The following CEP170 variants were observed in gnomAD, a reference collection of about 807,000 sequenced individuals.
The protein encoded by CEP170 is centrosomal protein 170.
A neutral mutation model predicts 151.9 loss-of-function variants in CEP170; 21 were observed. The ratio of observed to expected loss-of-function variants is 0.14; its 90% CI spans 0.10 to 0.20. The LOEUF (loss-of-function observed/expected upper bound fraction) is 0.20. Ranked by LOEUF, CEP170 falls within the 10% of genes least tolerant of loss-of-function variation. The pLI, the probability that CEP170 is intolerant of heterozygous loss-of-function variation, is 1.00. For missense variants in CEP170, 964 were observed against 1,892.9 expected, an observed-to-expected ratio of 0.51 and a Z score of 9.11; for synonymous variants, 356 against 648.8, an observed-to-expected ratio of 0.55 and a Z score of 6.86.
intron 16 of CEP170, among the ~76,000 whole-genome samples, chr1:243,136,579 A>G (rs2055108144): frequency 6.6e-6 from 1 of 152,278 alleles, no homozygotes; most frequent in Admixed American, 6.5e-5. Flanking sequence ...GATACAAATA[A>G]CTTAGAGTAC....
In CEP170 at chr1:243,164,522, C is replaced by T. The variant is rs1451317068; in HGVS notation, c.3438G>A (p.Arg1146=). 13 of 1,612,564 alleles carry T rather than the reference C, an allele frequency of 8.1e-6. No homozygotes were observed. The highest frequency in any genetic ancestry group is 1.1e-5 in the South Asian group (1 of 90,900). The change falls in exon 13 of 20, where the codon CGG becomes CGA. Residue 1146 remains arginine, a synonymous_variant. Coordinates refer to ENST00000366542, the MANE Select transcript of CEP170 (RefSeq NM_014812.3). ...KPPTGRRNIS[R]IDLLAQPRRT... ...TACGAGGCTGAGCCAATAAATCAAT[C>T]CGAGAGATGTTACGCCTTCCTGTGG...
chr1:243,224,277 G>C (rs1278353112), intron 2 of CEP170, among the ~76,000 whole-genome samples: 1 of 152,090 alleles, frequency 6.6e-6, no homozygotes, highest in African/African-American at 2.4e-5. Flanking sequence ...GCAAAGATAG[G>C]CAATTTTGAC....
intron 7 of CEP170, among the ~76,000 whole-genome samples, chr1:243,196,180 C>T (rs945348572): frequency 6.6e-5 from 10 of 151,898 alleles, no homozygotes; most frequent in African/African-American, 1.9e-4. Flanking sequence ...TCTTTGTACC[C>T]TATGAAGTAT....
chr1:243,221,934 T>A, intron 2 of CEP170, 121 bp from the exon 3 acceptor site: 1 of 803,346 alleles, frequency 1.2e-6, no homozygotes, highest in Non-Finnish European at 1.9e-6. Flanking sequence ...AAAGTAAGTG[T>A]GGATTAAATG....
At position 243,165,588 on chromosome 1, in the gene CEP170, T is replaced by G; in HGVS notation, c.2372A>C (p.Asn791Thr). 6.2e-7 allele frequency: 1 copy of G among 1,613,886 alleles called. No homozygotes were observed. ...TCCTTTGCTTGTAGAATGTCCTGAATTTTTTTCTGGAGGTTGTGATTCTTG... is the reference window on the plus strand; with the variant it reads ...TCCTTTGCTTGTAGAATGTCCTGAAGTTTTTTCTGGAGGTTGTGATTCTTG... The part of the protein sequence containing the change: ...FKQESQPPEK[N>T]SGHSTSKGDR... The change falls in exon 13 of 20, where the codon AAT becomes ACT. Residue 791 changes from asparagine to threonine, a missense_variant. Transcript: ENST00000366542.
chr1:243,157,766 T>C (rs948882557), intron 13 of CEP170, among the ~76,000 whole-genome samples: 3 of 152,172 alleles, frequency 2.0e-5, no homozygotes, highest in African/African-American at 7.2e-5. Flanking sequence ...AACTGGCATA[T>C]ATTGCCACCA....
At chr1:243,167,532 G>T (rs1450491377) in intron 12 of CEP170, among the ~76,000 whole-genome samples, 5 of 151,144 alleles carry the variant, frequency 3.3e-5, no homozygotes, top group Non-Finnish European at 7.4e-5. Context: ...AAAATGGAAT[G>T]TATTTCTGAG....
At chr1:243,186,839 CT>C (rs927681488) in intron 8 of CEP170, among the ~76,000 whole-genome samples, 2 of 152,132 alleles carry the variant, frequency 1.3e-5, no homozygotes, top group Non-Finnish European at 2.9e-5. Flanking sequence ...GGTAATGTCA[CT>C]GAAATGCTTA....
intron 14 of CEP170, among the ~76,000 whole-genome samples, chr1:243,150,182 G>A (rs1427869420): frequency 1.3e-5 from 2 of 152,108 alleles, no homozygotes; most frequent in African/African-American, 2.4e-5. Context: ...ACAGAATCTC[G>A]CTCTGTCACC....
intron 8 of CEP170, among the ~76,000 whole-genome samples, chr1:243,190,234 G>A (rs1175261286): frequency 6.6e-6 from 1 of 152,008 alleles, no homozygotes; most frequent in East Asian, 1.9e-4. Flanking sequence ...GTTCAAAATC[G>A]TTTTCCTTAT....
At chr1:243,187,219 G>T (rs567197945) in intron 8 of CEP170, among the ~76,000 whole-genome samples, 1 of 151,984 alleles carries the variant, frequency 6.6e-6, no homozygotes, top group Admixed American at 6.6e-5. Flanking sequence ...AGAATATATC[G>T]GAATTTTGAA....
chr1:243,139,122 GAC>G (rs1394990385), intron 16 of CEP170, among the ~76,000 whole-genome samples: 1 of 147,398 alleles, frequency 6.8e-6, no homozygotes, highest in East Asian at 2.0e-4. Flanking sequence ...TTTTTTTGGA[GAC>G]AGAGTCTCAC....
chr1:243,215,416 G>A (rs569458402), intron 3 of CEP170, among the ~76,000 whole-genome samples: 73 of 152,250 alleles, frequency 4.8e-4, no homozygotes, highest in South Asian at 1.5e-3. Flanking sequence ...CCTTTTCTCA[G>A]CAAGGAACAG....
chr1:243,218,188 T>C (rs1336137498), intron 3 of CEP170, among the ~76,000 whole-genome samples: 2 of 152,242 alleles, frequency 1.3e-5, no homozygotes, highest in Non-Finnish European at 2.9e-5. Flanking sequence ...CAACCTTTAG[T>C]GAAGACCATT....
At chr1:243,129,912 A>G (rs1298148820) in intron 17 of CEP170, among the ~76,000 whole-genome samples, 2 of 152,028 alleles carry the variant, frequency 1.3e-5, no homozygotes, top group Non-Finnish European at 2.9e-5. Context: ...TTTTTACAGT[A>G]TATTGTTACA....
At chr1:243,225,618 A>G (rs2063161601) in intron 1 of CEP170, among the ~76,000 whole-genome samples, 1 of 152,204 alleles carries the variant, frequency 6.6e-6, no homozygotes, top group Non-Finnish European at 1.5e-5. Flanking sequence ...CACAGTTTAT[A>G]AAGGTCTATA....
intron 17 of CEP170, among the ~76,000 whole-genome samples, chr1:243,132,658 CT>C (rs1400038511): frequency 6.6e-6 from 1 of 152,138 alleles, no homozygotes; most frequent in Non-Finnish European, 1.5e-5. Context: ...TCAGCAATGT[CT>C]TCTTTGTTCT....
intron 1 of CEP170, among the ~76,000 whole-genome samples, chr1:243,245,263 T>G (rs992200849): frequency 6.6e-6 from 1 of 152,168 alleles, no homozygotes; most frequent in Non-Finnish European, 1.5e-5. Context: ...ATAAGGTTTT[T>G]TTTTTTGGTT....
intron 17 of CEP170, among the ~76,000 whole-genome samples, chr1:243,131,004 T>C (rs555838527): frequency 1.3e-5 from 2 of 152,158 alleles, no homozygotes; most frequent in East Asian, 3.8e-4. Context: ...ACTTATACAA[T>C]AGAGAAAGAC....
Sources: gnomAD v4.1 joint callset for allele counts (sites outside exome capture counted in the v4.1 genomes callset) on GRCh38, gnomAD v4.1.1 for gene constraint, MANE v1.5 for transcripts, NCBI Gene and HGNC (gene_info 2026-07-23, HGNC 2026-07-21) for gene names.